KAT6A: variants seen among roughly 807,000 people sequenced by gnomAD.
The protein encoded by KAT6A is histone acetyltransferase KAT6A.
In KAT6A, 9 loss-of-function variants were observed where a neutral mutation model predicts 198.4. That is an observed-to-expected ratio of 0.05 (90% CI 0.03 to 0.08). The LOEUF (loss-of-function observed/expected upper bound fraction) is 0.08, where lower values mean the gene tolerates loss of function less well. Among genes scored for constraint, KAT6A ranks in the 10% least tolerant of loss-of-function variants. The pLI is 1.00. For synonymous variants in KAT6A, 890 were observed against 883.0 expected, an observed-to-expected ratio of 1.01 and a Z score of -0.14; for missense variants, 2,077 against 2,509.9, an observed-to-expected ratio of 0.83 and a Z score of 3.69.
At chr8:42,040,009 A>AG (rs899857488) in intron 2 of KAT6A, among the ~76,000 whole-genome samples, 2 of 151,986 alleles carry the variant, frequency 1.3e-5, no homozygotes, top group Admixed American at 6.6e-5. Flanking sequence ...GGCTTCCCAA[A>AG]GTGCTGGGAT....
chr8:41,989,133 A>G (rs1824777677), intron 2 of KAT6A, among the ~76,000 whole-genome samples: 1 of 152,166 alleles, frequency 6.6e-6, no homozygotes, highest in African/African-American at 2.4e-5. Context: ...ACCAGGTTCA[A>G]AAAGGTGTTC....
At chr8:41,976,395 T>G (rs954604391) in intron 7 of KAT6A, among the ~76,000 whole-genome samples, 10 of 152,362 alleles carry the variant, frequency 6.6e-5, no homozygotes, top group African/African-American at 2.4e-4. Flanking sequence ...CTTGAATGAT[T>G]TGCCACATTA....
intron 2 of KAT6A, among the ~76,000 whole-genome samples, chr8:42,000,500 G>A (rs895404462): frequency 6.7e-6 from 1 of 150,144 alleles, no homozygotes; most frequent in Non-Finnish European, 1.5e-5. Context: ...GCAGTGAGCC[G>A]AGATCACACC....
intron 2 of KAT6A, among the ~76,000 whole-genome samples, chr8:41,990,486 T>G (rs531544735): frequency 6.6e-5 from 10 of 152,154 alleles, no homozygotes; most frequent in African/African-American, 2.2e-4. Context: ...ATATCCAGCA[T>G]AAAGAACTTT....
intron 16 of KAT6A, 73 bp from the exon 17 acceptor site, chr8:41,934,940 G>C: frequency 8.7e-7 from 1 of 1,144,666 alleles, no homozygotes; most frequent in Non-Finnish European, 1.3e-6. Context: ...TCCAAGACTA[G>C]CATATACAAT....
At chr8:41,998,658 A>C (rs1160168140) in intron 2 of KAT6A, among the ~76,000 whole-genome samples, 2 of 152,144 alleles carry the variant, frequency 1.3e-5, no homozygotes, top group Non-Finnish European at 2.9e-5. Flanking sequence ...GCTTAGCTCC[A>C]TTTATCATTA....
Position 41,933,218 on chromosome 8 carries a change from G to A in KAT6A, c.5002C>T (p.Pro1668Ser), listed in dbSNP as rs1473873239. ...TGGGGTGGTGGAGGCTGTGGTGCTGGTTGTGGTTGTGGCGGCGGCGGCTGT... is the reference window on the plus strand; with the variant it reads ...TGGGGTGGTGGAGGCTGTGGTGCTGATTGTGGTTGTGGCGGCGGCGGCTGT... ...QPQPPPPQPQ[P>S]APQPPPPQQQ... Residue 1668 changes from proline to serine, a missense_variant, in exon 17 of 17, where the codon CCA (proline) becomes TCA (serine). Pro to Ser is a moderately conservative substitution (Grantham distance 74). Around this residue, in one of 13 missense-constraint regions of KAT6A, gnomAD observed 500 missense variants for 577.2 expected, o/e 0.87. Coordinates refer to ENST00000265713, the MANE Select transcript of KAT6A (RefSeq NM_006766.5). This position sits in a 1 kb window ranked among gnomAD's most constrained non-coding sequence, Gnocchi z 6.2. 2 of 1,577,908 alleles carry A rather than the reference G, an allele frequency of 1.3e-6. No individual in the cohort carries two copies. Among genetic ancestry groups the A allele is most frequent in the Non-Finnish European group, 1.7e-6 (2 of 1,165,914 alleles).
At chr8:41,942,680 C>G in intron 14 of KAT6A, 113 bp downstream of exon 14, 1 of 1,173,834 alleles carries the variant, frequency 8.5e-7, no homozygotes, top group Non-Finnish European at 1.2e-6. Context: ...TCTTGACATT[C>G]TAATGTGAAT....
At chr8:41,966,342 A>G (rs1225729657) in intron 8 of KAT6A, among the ~76,000 whole-genome samples, 4 of 152,130 alleles carry the variant, frequency 2.6e-5, no homozygotes, top group Non-Finnish European at 4.4e-5. Context: ...TCACACCGTC[A>G]GAAGAGTTAG....
At chr8:41,949,098 A>G in intron 10 of KAT6A, 124 bp downstream of exon 10, 1 of 555,808 alleles carries the variant, frequency 1.8e-6, no homozygotes, top group Non-Finnish European at 2.9e-6. Flanking sequence ...TAAAAATTAT[A>G]ATTAGTACTT....
intron 12 of KAT6A, among the ~76,000 whole-genome samples, chr8:41,946,229 G>C (rs1400583501): frequency 1.3e-5 from 2 of 152,010 alleles, no homozygotes; most frequent in African/African-American, 4.8e-5. Flanking sequence ...TGCTTCCTGA[G>C]TAGGTGGAAC....
chr8:41,970,287 T>C (rs1823721901), intron 8 of KAT6A, among the ~76,000 whole-genome samples: 1 of 152,210 alleles, frequency 6.6e-6, no homozygotes, highest in Non-Finnish European at 1.5e-5. Flanking sequence ...TTCCAAGATC[T>C]AGCTGTTTAT....
intron 8 of KAT6A, chr8:41,957,240 C>T (rs1421496894): frequency 1.7e-6 from 1 of 571,766 alleles, no homozygotes; most frequent in Non-Finnish European, 3.5e-6. Context: ...TTAACCTTTG[C>T]ACCGTGAAAC....
chr8:42,001,866 T>A (rs539189075), intron 2 of KAT6A, among the ~76,000 whole-genome samples: 1 of 152,370 alleles, frequency 6.6e-6, no homozygotes, highest in African/African-American at 2.4e-5. Context: ...ATCTTAGAGT[T>A]CTAGGTCTCC....
intron 2 of KAT6A, among the ~76,000 whole-genome samples, chr8:42,005,763 TACACACACACACAC>T (rs142174569): frequency 2.8e-5 from 4 of 142,016 alleles, no homozygotes; most frequent in African/African-American, 5.1e-5. Flanking sequence ...TGCAAGCAAA[TACACACACACACAC>T]ACACACACAC....
At chr8:42,040,701 CT>C (rs1827616219) in intron 2 of KAT6A, among the ~76,000 whole-genome samples, 1 of 126,174 alleles carries the variant, frequency 7.9e-6, no homozygotes, top group Non-Finnish European at 1.6e-5. Flanking sequence ...CACCATTGCA[CT>C]CCAGCCTAAG....
In KAT6A at chr8:42,051,943, C is replaced by G. The variant is rs998743072; in HGVS notation, c.-368G>C. The G allele has an allele frequency of 6.6e-6, 1 of 151,042 alleles. No individual in the cohort carries two copies. Among genetic ancestry groups the G allele is most frequent in the Non-Finnish European group, 1.5e-5 (1 of 67,696 alleles). The allele number at this position is 151,042 out of a possible 1,614,324, so 9.4% of individuals were successfully genotyped here. A position where few individuals can be genotyped will look rare whatever the true frequency, so the allele number is the denominator to read the frequency against. On this transcript the variant is annotated 5_prime_UTR_variant, in exon 1 of 17. Coordinates refer to ENST00000265713, the MANE Select transcript of KAT6A (RefSeq NM_006766.5). ...GAGATCCCGGGGCCCCGGGCCGGAC[C>G]GCGGAGATGCCCCAAACTGACACGG...
At chr8:42,039,111 C>T (rs1827515029) in intron 2 of KAT6A, among the ~76,000 whole-genome samples, 1 of 152,150 alleles carries the variant, frequency 6.6e-6, no homozygotes, top group Non-Finnish European at 1.5e-5. Context: ...GAACCAGCTG[C>T]AGCTGAATGA....
intron 2 of KAT6A, among the ~76,000 whole-genome samples, chr8:42,034,594 AC>A (rs374838210): frequency 8.5e-5 from 13 of 152,196 alleles, no homozygotes; most frequent in African/African-American, 2.9e-4. Context: ...ATTTCTAAGG[AC>A]TTTACATATT....
Sources: allele counts gnomAD v4.1 joint callset (sites outside exome capture counted in the v4.1 genomes callset), GRCh38; gene constraint gnomAD v4.1.1; regional missense constraint gnomAD v4.1.1; non-coding constraint Gnocchi (gnomAD v3.1); transcripts MANE v1.5; gene names NCBI Gene and HGNC (gene_info 2026-07-23, HGNC 2026-07-21).